The following SERINC4 variants were observed in gnomAD, a reference collection of about 807,000 sequenced individuals.
SERINC4 encodes the protein serine incorporator 4.
SERINC4 carries 52 observed loss-of-function variants against 52.0 expected under a neutral mutation model. That is an observed-to-expected ratio of 1.00 (90% CI 0.80 to 1.26). The LOEUF is 1.26. Among genes scored for constraint, SERINC4 ranks in the 50% most tolerant of loss-of-function variants. The probability of loss-of-function intolerance (pLI) is 0.00; values close to 1 mark genes in which losing one functional copy is unlikely to be tolerated. For synonymous variants in SERINC4, 264 were observed against 247.7 expected (o/e 1.07, Z -0.62); for missense variants, 723 against 632.8 (o/e 1.14, Z -1.53).
chr15:43,796,062 A>T, intron 9 of SERINC4, 93 bp downstream of exon 9: 1 of 928,552 alleles, frequency 1.1e-6, no homozygotes, highest in Admixed American at 1.8e-5. Flanking sequence ...AGCAGCTATA[A>T]TCTGAGCATT....
At chr15:43,798,598 T>TAA in intron 3 of SERINC4, 94 bp from the exon 4 acceptor site, 2 of 916,484 alleles carry the variant, frequency 2.2e-6, no homozygotes, top group Non-Finnish European at 3.6e-6. Flanking sequence ...AAACCAAAAA[T>TAA]ATAGGAAAGA....
At chr15:43,795,997 TA>T in intron 9 of SERINC4, 157 bp downstream of exon 9, 1 of 669,644 alleles carries the variant, frequency 1.5e-6, no homozygotes, top group Non-Finnish European at 2.6e-6. Context: ...TGAGATTATG[TA>T]AAAGTATCTA....
chr15:43,794,870 T>G lies in SERINC4; in HGVS notation c.*130A>C. 2.8e-6 allele frequency: 2 copies of G among 708,226 alleles called. No individual in the cohort carries two copies. The highest frequency in any genetic ancestry group is 2.4e-6 in the Non-Finnish European group (1 of 416,476). The allele number at this position is 708,226 out of a possible 1,614,324, so 43.9% of individuals were successfully genotyped here. Reference sequence around the variant, plus strand: ...GTGTTTGACCACTTCTTCCAGTTCATAGTATTGACTTCAGCCCAAACGGAG... The same window carrying G: ...GTGTTTGACCACTTCTTCCAGTTCAGAGTATTGACTTCAGCCCAAACGGAG... On this transcript the variant is annotated 3_prime_UTR_variant, in exon 12 of 12. Transcript: ENST00000319327.
At chr15:43,795,639 C>CTT in intron 10 of SERINC4, 49 bp downstream of exon 10, 3 of 1,607,744 alleles carry the variant, frequency 1.9e-6, no homozygotes, top group Non-Finnish European at 2.6e-6. Flanking sequence ...GTTCTTATGG[C>CTT]ACTCCACAGA....
rs1195245863 is a variant in SERINC4, at chr15:43,796,598, C to T, written c.1067+18G>A. On this transcript the variant is annotated intron_variant, in intron 8 of 11. Transcript: ENST00000319327. ...GGCACCCTCCTTTCATACCTCCACC[C>T]TTGACACCTTTACGCACCAAGCAAA... 6.2e-7 allele frequency: 1 copy of T among 1,613,654 alleles called. No individual in the cohort carries two copies. Among genetic ancestry groups the T allele is most frequent in the African/African-American group, 1.3e-5 (1 of 75,028 alleles).
In SERINC4 at chr15:43,794,949, A is replaced by G; in HGVS notation, c.*51T>C. 1 of 1,464,140 alleles carries G rather than the reference A, an allele frequency of 6.8e-7. No individual in the cohort carries two copies. The highest frequency in any genetic ancestry group is 9.3e-7 in the Non-Finnish European group (1 of 1,070,766). 90.7% of individuals were successfully genotyped at this position (1,464,140 alleles called of 1,614,324 possible). A position where few individuals can be genotyped will look rare whatever the true frequency, so the allele number is the denominator to read the frequency against. ...GAGCTGGGCTGGACAGCTCCCCTTGAGCCAACTCTAGGAGTACAATGTCAG... is the reference window on the plus strand; with the variant it reads ...GAGCTGGGCTGGACAGCTCCCCTTGGGCCAACTCTAGGAGTACAATGTCAG... On this transcript the variant is annotated 3_prime_UTR_variant, in exon 12 of 12. Transcript: ENST00000319327.
intron 5 of SERINC4, 69 bp from the exon 6 acceptor site, chr15:43,797,425 C>G: frequency 1.6e-6 from 2 of 1,222,364 alleles, no homozygotes; most frequent in Non-Finnish European, 1.1e-6. Flanking sequence ...GGGAGTCTTG[C>G]TCTGTTGCCC....
At chr15:43,795,665 A>T in intron 10 of SERINC4, 23 bp downstream of exon 10, 1 of 1,613,388 alleles carries the variant, frequency 6.2e-7, no homozygotes, top group South Asian at 1.1e-5. Context: ...ACCACTTCTT[A>T]TGGTTCCTCA....
chr15:43,795,675 AC>A lies in SERINC4; in HGVS notation c.1189+12del. On this transcript the variant is annotated intron_variant, in intron 10 of 11. Coordinates refer to ENST00000319327, the MANE Select transcript of SERINC4 (RefSeq NM_001258031.2). ...GATCTACCACTTCTTATGGTTCCTCACTTGGCACTCACCTTTGTCTGCCTCC... is the reference window on the plus strand; with the variant it reads ...GATCTACCACTTCTTATGGTTCCTCATTGGCACTCACCTTTGTCTGCCTCC... 1.2e-6 allele frequency: 2 copies of A among 1,613,790 alleles called. No individual in the cohort carries two copies. Among genetic ancestry groups the A allele is most frequent in the East Asian group, 4.5e-5 (2 of 44,884 alleles).
rs2087147930 is a variant in SERINC4 at position 43,794,246 on chromosome 15, G to A, written c.*754C>T. ...GATATGCAGTAGAGGAATCCTCTAAGAACCATAGAGACTTCTTTTCTGTGA... is the reference window on the plus strand; with the variant it reads ...GATATGCAGTAGAGGAATCCTCTAAAAACCATAGAGACTTCTTTTCTGTGA... On this transcript the variant is annotated 3_prime_UTR_variant, in exon 12 of 12. Coordinates refer to ENST00000319327, the MANE Select transcript of SERINC4 (RefSeq NM_001258031.2). 2.5e-6 allele frequency: 1 copy of A among 396,912 alleles called. No individual in the cohort carries two copies. Among genetic ancestry groups the A allele is most frequent in the Non-Finnish European group, 4.5e-6 (1 of 220,932 alleles). 24.6% of individuals were successfully genotyped at this position (396,912 alleles called of 1,614,324 possible).
chr15:43,798,940 C>G lies in SERINC4; in HGVS notation c.458+19G>C. 6.5e-7 allele frequency: 1 copy of G among 1,550,238 alleles called. No homozygotes were observed. Among genetic ancestry groups the G allele is most frequent in the Non-Finnish European group, 8.7e-7 (1 of 1,146,706 alleles). On this transcript the variant is annotated intron_variant, in intron 3 of 11. Coordinates refer to ENST00000319327, the MANE Select transcript of SERINC4 (RefSeq NM_001258031.2). ...TTTCCCTCCTCTGTCCCCTCCCCAC[C>G]CAGAAAGTACACACAAACCTATTAT...
In SERINC4 at chr15:43,798,508, G is replaced by A. The variant is rs1188310285; in HGVS notation, c.459-4C>T. The A allele has an allele frequency of 6.2e-7, 1 of 1,609,436 alleles. No individual in the cohort carries two copies. The highest frequency in any genetic ancestry group is 1.7e-5 in the Admixed American group (1 of 59,994). On this transcript the variant is annotated splice_region_variant and splice_polypyrimidine_tract_variant and intron_variant, in intron 3 of 11. Coordinates refer to ENST00000319327, the MANE Select transcript of SERINC4 (RefSeq NM_001258031.2). Reference sequence around the variant, plus strand: ...CAGCAGCTTGAGGAGCCAGAAGCTGGTTAGGAGGGAGAAAGAAAAACAGAC... The same window carrying A: ...CAGCAGCTTGAGGAGCCAGAAGCTGATTAGGAGGGAGAAAGAAAAACAGAC...
rs750804762 is a variant in SERINC4, at chr15:43,795,398, T to A, written c.1333A>T (p.Asn445Tyr). The change falls in exon 11 of 12, where the codon AAC becomes TAC. Residue 445 changes from asparagine (N) to tyrosine (Y), a missense_variant. Coordinates refer to ENST00000319327, the MANE Select transcript of SERINC4 (RefSeq NM_001258031.2). ...ASLYVMVTLT[N>Y]WFSYEGAELE... ...CCCACTCCATCTTACCTGAACCAGT[T>A]GGTAAGGGTAACCATGACATAGAGT... 1.2e-6 allele frequency: 2 copies of A among 1,614,026 alleles called. No individual in the cohort carries two copies. The highest frequency in any genetic ancestry group is 2.2e-5 in the South Asian group (2 of 91,086).
In SERINC4 at chr15:43,797,344, T is replaced by G; in HGVS notation, c.645A>C (p.Ala215=). Residue 215 remains alanine, a synonymous_variant, in exon 6 of 12, where the codon GCA becomes GCC. Transcript: ENST00000319327. ...CCAGGAACCAGCTACAGTCTTGAGC[T>G]GCACCTGTCTGCCTAAGGGTGGAAA... The part of the protein sequence containing the change: ...HSWNKNWQTG[A]AQDCSWFLAV... 6.5e-7 allele frequency: 1 copy of G among 1,547,628 alleles called. No homozygotes were observed.
chr15:43,795,723 C>A lies in SERINC4; in HGVS notation c.1154G>T (p.Cys385Phe), dbSNP rs2087198781. ...CTCCACTGTTTCAGGGCAGCAGAAA[C>A]ACAGTGAGGGCTTCTGCAAAACAGA... is the stretch of plus-strand genomic sequence containing the variant. ...YSYEFQKPSL[C>F]FCCPETVEAD... Residue 385 changes from cysteine to phenylalanine, a missense_variant, in exon 10 of 12, where the codon TGT (cysteine) becomes TTT (phenylalanine). Coordinates refer to ENST00000319327, the MANE Select transcript of SERINC4 (RefSeq NM_001258031.2). 6.2e-7 allele frequency: 1 copy of A among 1,614,000 alleles called. No homozygotes were observed. The highest frequency in any genetic ancestry group is 2.2e-5 in the East Asian group (1 of 44,880).
intron 9 of SERINC4, 62 bp downstream of exon 9, chr15:43,796,093 T>A: frequency 8.4e-7 from 1 of 1,187,752 alleles, no homozygotes; most frequent in Non-Finnish European, 1.3e-6. Flanking sequence ...GTTGGTAGGA[T>A]GTGTGTGTGT....
chr15:43,799,362 C>T lies in SERINC4; in HGVS notation c.227G>A (p.Cys76Tyr). 6.4e-7 allele frequency: 1 copy of T among 1,551,134 alleles called. No homozygotes were observed. Among genetic ancestry groups the T allele is most frequent in the Non-Finnish European group, 8.7e-7 (1 of 1,147,108 alleles). Reference sequence around the variant, plus strand: ...CACTACTGTCCTTGACAGCAGGAGGCAGCAGATTGCTGAGGCCCCCACATG... The same window carrying T: ...CACTACTGTCCTTGACAGCAGGAGGTAGCAGATTGCTGAGGCCCCCACATG... ...LLHVGASAIC[C>Y]LLLSRTVVER... The change falls in exon 2 of 12, where the codon TGC (cysteine) becomes TAC (tyrosine). Residue 76 changes from cysteine to tyrosine, a missense_variant. Transcript: ENST00000319327.
In SERINC4 at chr15:43,798,869, T is replaced by C. The variant is rs558142282; in HGVS notation, c.458+90A>G. On this transcript the variant is annotated intron_variant, in intron 3 of 11. Coordinates refer to ENST00000319327, the MANE Select transcript of SERINC4 (RefSeq NM_001258031.2). ...AAACCTGTTTTCTGTCTTTTTACAG[T>C]GCTATTACTTCATCCCGGAATTTCC... 4 of 1,281,366 alleles carry C rather than the reference T, an allele frequency of 3.1e-6. 1 individual carries two copies. The African/African-American group carries it at 5.9e-5, about 19-fold the overall frequency. 79.4% of individuals were successfully genotyped at this position (1,281,366 alleles called of 1,614,324 possible).
rs773644997 is a variant in SERINC4, at chr15:43,798,468, G to C, written c.495C>G (p.Leu165=). The C allele has an allele frequency of 4.3e-6, 7 of 1,613,900 alleles. No homozygotes were observed. Among genetic ancestry groups the C allele is most frequent in the African/African-American group, 1.3e-5 (1 of 74,936 alleles). Residue 165 remains leucine (L), a synonymous_variant, in exon 4 of 12, where the codon CTC becomes CTG. Transcript: ENST00000319327. ...WLLKLLFLLG[L]CAIAFCIPDE... ...CAGGAATGCAGAAGGCAATAGCACA[G>C]AGACCTAACAGGAACAGCAGCTTGA...
Sources: allele counts gnomAD v4.1 joint callset, GRCh38; gene constraint gnomAD v4.1.1; transcripts MANE v1.5; gene names NCBI Gene and HGNC (gene_info 2026-07-23, HGNC 2026-07-21).